DSCAM: variants seen among roughly 807,000 people sequenced by gnomAD.
DSCAM encodes cell adhesion molecule DSCAM.
A neutral mutation model predicts 217.7 loss-of-function variants in DSCAM; 47 were observed. The ratio of observed to expected loss-of-function variants is 0.22; its 90% CI spans 0.17 to 0.28. DSCAM has a LOEUF of 0.28. Ranked by LOEUF, DSCAM falls within the 10% of genes least tolerant of loss-of-function variation. The pLI is 1.00. For synonymous variants in DSCAM, 1,056 were observed against 1,015.3 expected (o/e 1.04, Z -0.76); for missense variants, 2,080 against 2,618.3 (o/e 0.79, Z 4.49).
chr21:40,043,193 C>T (rs1014656289), intron 31 of DSCAM, among the ~76,000 whole-genome samples: 8 of 152,208 alleles, frequency 5.3e-5, no homozygotes, highest in African/African-American at 1.9e-4. Context: ...GATGCGTCTT[C>T]TGTTGTGATT....
At chr21:40,325,193 G>T (rs2074304300) in intron 8 of DSCAM, among the ~76,000 whole-genome samples, 1 of 152,100 alleles carries the variant, frequency 6.6e-6, no homozygotes, top group African/African-American at 2.4e-5. Flanking sequence ...AGTGAGACAA[G>T]GGTATAAAAA....
chr21:40,820,882 GATTATAATTT>G (rs1323115987), intron 1 of DSCAM, among the ~76,000 whole-genome samples: 1 of 151,642 alleles, frequency 6.6e-6, no homozygotes. Context: ...CACAATAATA[GATTATAATTT>G]ATTATGCTTT....
intron 9 of DSCAM, among the ~76,000 whole-genome samples, chr21:40,306,379 C>T (rs1482616960): frequency 2.0e-5 from 3 of 151,318 alleles, no homozygotes; most frequent in African/African-American, 7.4e-5. Context: ...ACAATCATGT[C>T]ATCTGCAAAC....
At chr21:40,410,772 T>A (rs541654868) in intron 3 of DSCAM, among the ~76,000 whole-genome samples, 141 of 127,358 alleles carry the variant, frequency 1.1e-3, no homozygotes, top group Admixed American at 1.9e-3. Context: ...AAAAAAAAAA[T>A]TCAAAAAAGT....
intron 4 of DSCAM, among the ~76,000 whole-genome samples, chr21:40,367,030 GTC>G (rs2074840271): frequency 6.6e-6 from 1 of 152,112 alleles, no homozygotes; most frequent in African/African-American, 2.4e-5. Flanking sequence ...CTGAGAGTGA[GTC>G]TCTGTTCTTC....
At position 40,586,570 on chromosome 21, in the gene DSCAM, G is replaced by A. The variant is rs565392277; in HGVS notation, c.508+106240C>T. ...AGAGGATTTGTTAAAGTTCAATTCC[G>A]ATTCAGGAGATCTGGGTAGAGCCTG... On this transcript the variant is annotated intron_variant, in intron 3 of 32. Transcript: ENST00000400454. Among the ~76,000 whole-genome samples, 35 of 152,294 alleles carry A rather than the reference G, an allele frequency of 2.3e-4. No individual in the cohort carries two copies. In the South Asian group the frequency reaches 6.4e-3, roughly 28 times the overall value.
At chr21:40,472,708 T>A (rs541015542) in intron 3 of DSCAM, among the ~76,000 whole-genome samples, 5 of 152,336 alleles carry the variant, frequency 3.3e-5, no homozygotes, top group Admixed American at 1.3e-4. Context: ...GTGGTTTTTT[T>A]AAATGGTTTG....
At chr21:40,127,676 T>C (rs1161077805) in intron 19 of DSCAM, among the ~76,000 whole-genome samples, 3 of 152,158 alleles carry the variant, frequency 2.0e-5, no homozygotes, top group African/African-American at 7.2e-5. Context: ...GCACTCACCA[T>C]CTTCTATCCA....
intron 1 of DSCAM, among the ~76,000 whole-genome samples, chr21:40,735,975 T>C (rs2091059569): frequency 6.6e-6 from 1 of 152,014 alleles, no homozygotes; most frequent in Non-Finnish European, 1.5e-5. Flanking sequence ...AAGTAGCTCA[T>C]CCCCAGGCTA....
At chr21:40,631,092 G>A (rs760793416) in intron 3 of DSCAM, among the ~76,000 whole-genome samples, 5 of 152,160 alleles carry the variant, frequency 3.3e-5, no homozygotes, top group Non-Finnish European at 7.4e-5. Context: ...AGCAGAAATT[G>A]TGTATGCCAG....
intron 16 of DSCAM, among the ~76,000 whole-genome samples, chr21:40,161,411 A>T (rs2090539807): frequency 7.1e-6 from 1 of 140,974 alleles, no homozygotes; most frequent in African/African-American, 2.6e-5. Context: ...GAAAGTCCAC[A>T]GTTTTTTTTT....
chr21:40,805,355 A>C (rs913795847), intron 1 of DSCAM, among the ~76,000 whole-genome samples: 1 of 152,118 alleles, frequency 6.6e-6, no homozygotes, highest in Non-Finnish European at 1.5e-5. Flanking sequence ...CTTCTGGCTC[A>C]TGAGGCTGAC....
intron 5 of DSCAM, among the ~76,000 whole-genome samples, chr21:40,352,059 G>T (rs547824113): frequency 7.9e-5 from 12 of 152,066 alleles, no homozygotes; most frequent in African/African-American, 2.9e-4. Context: ...AATTTTTTTT[G>T]AATTTTTGCA....
chr21:40,322,496 CAT>C (rs962819545), intron 8 of DSCAM, among the ~76,000 whole-genome samples: 11 of 151,228 alleles, frequency 7.3e-5, no homozygotes, highest in Admixed American at 4.7e-4. Flanking sequence ...ATATTGGACT[CAT>C]GTCATTATAG....
chr21:40,356,071 C>T (rs922062045), intron 4 of DSCAM, among the ~76,000 whole-genome samples: 3 of 151,832 alleles, frequency 2.0e-5, no homozygotes, highest in Non-Finnish European at 2.9e-5. Flanking sequence ...TTTTCATATT[C>T]TGGCTGTTGC....
chr21:40,523,007 G>A (rs2076371542), intron 3 of DSCAM, among the ~76,000 whole-genome samples: 1 of 152,212 alleles, frequency 6.6e-6, no homozygotes, highest in South Asian at 2.1e-4. Context: ...CGGCTCTGGT[G>A]ATGAAGGCTT....
At chr21:40,704,705 G>T (rs920393818) in intron 2 of DSCAM, among the ~76,000 whole-genome samples, 2 of 152,114 alleles carry the variant, frequency 1.3e-5, no homozygotes, top group African/African-American at 4.8e-5. Context: ...AAGAGAGGGA[G>T]ATGTCCTCTC....
In DSCAM at chr21:40,710,146, A is replaced by T. The variant is rs185807342; in HGVS notation, c.44-1375T>A. Among the ~76,000 whole-genome samples, 204 of 152,074 alleles carry T rather than the reference A, an allele frequency of 1.3e-3. 1 individual carries two copies. Among genetic ancestry groups the T allele is most frequent in the Non-Finnish European group, 2.4e-3 (166 of 68,000 alleles). On this transcript the variant is annotated intron_variant, in intron 1 of 32. Transcript: ENST00000400454. ...TGCATAAATGTCTTCTTTTGAGAAGAGTCTGTTTATATCATTTGCCCACTT... is the reference window on the plus strand; with the variant it reads ...TGCATAAATGTCTTCTTTTGAGAAGTGTCTGTTTATATCATTTGCCCACTT...
intron 1 of DSCAM, among the ~76,000 whole-genome samples, chr21:40,814,113 C>G (rs541165042): frequency 9.4e-4 from 143 of 152,304 alleles, no homozygotes; most frequent in African/African-American, 3.2e-3. Context: ...AAGCAGAAAG[C>G]AAAGGCATTA....
Sources: gnomAD v4.1 joint callset for allele counts (sites outside exome capture counted in the v4.1 genomes callset) on GRCh38, gnomAD v4.1.1 for gene constraint, MANE v1.5 for transcripts, NCBI Gene and HGNC (gene_info 2026-07-23, HGNC 2026-07-21) for gene names.